Variants in FOLR2 observed in about 807,000 individuals in gnomAD.
The protein encoded by FOLR2 is folate receptor beta, also known as folate receptor 2 (fetal).
In FOLR2, 14 loss-of-function variants were observed where a neutral mutation model predicts 20.4. The observed-to-expected ratio is 0.68, with a 90% CI of 0.45 to 1.07. The LOEUF (loss-of-function observed/expected upper bound fraction) is 1.07. FOLR2 is among the 50% of genes least tolerant of loss of function. The probability of loss-of-function intolerance (pLI) is 0.00; values close to 1 mark genes in which losing one functional copy is unlikely to be tolerated. For synonymous variants in FOLR2, 114 were observed against 114.3 expected (o/e 1.00, Z 0.02); for missense variants, 269 against 322.6 (o/e 0.83, Z 1.27).
At chr11:72,219,895 T>C (rs1948454966) in intron 2 of FOLR2, among the ~76,000 whole-genome samples, 2 of 151,762 alleles carry the variant, frequency 1.3e-5, no homozygotes, top group South Asian at 4.2e-4. Context: ...TTGCCCAGGC[T>C]GGAGTGCAAT....
intron 2 of FOLR2, among the ~76,000 whole-genome samples, 185 bp from the exon 3 acceptor site, chr11:72,220,685 T>C (rs1266649405): frequency 1.3e-5 from 2 of 152,184 alleles, no homozygotes; most frequent in African/African-American, 4.8e-5. Context: ...ACGGTTGTAA[T>C]TGTGTTTCCT....
At chr11:72,218,108 C>T (rs1053058087) in intron 1 of FOLR2, among the ~76,000 whole-genome samples, 15 of 152,202 alleles carry the variant, frequency 9.9e-5, no homozygotes, top group African/African-American at 3.6e-4. Context: ...TGGGTCACTG[C>T]CTTCCCCAAG....
In FOLR2 at chr11:72,221,458, C is replaced by T; in HGVS notation, c.476-12C>T. 6.2e-7 allele frequency: 1 copy of T among 1,611,528 alleles called. No homozygotes were observed. Among genetic ancestry groups the T allele is most frequent in the South Asian group, 1.1e-5 (1 of 90,920 alleles). ...GGCTGAAAGTCTGTGTCCACCATGC[C>T]TCTCCCTGCAGGAGTTAACAAGTGC... On this transcript the variant is annotated splice_polypyrimidine_tract_variant and intron_variant, in intron 4 of 4. Coordinates refer to ENST00000298223, the MANE Select transcript of FOLR2 (RefSeq NM_000803.5).
Position 72,218,647 on chromosome 11 carries a change from C to T in FOLR2, c.63C>T (p.Ala21=). Reference sequence around the variant, plus strand: ...TCTGTGTAGCCACCATGTGCAGTGCCCAGGACAGGACTGATCTCCTCAATG... The same window carrying T: ...TCTGTGTAGCCACCATGTGCAGTGCTCAGGACAGGACTGATCTCCTCAATG... ...LLVCVATMCS[A]QDRTDLLNVC... Residue 21 remains alanine, a synonymous_variant, in exon 2 of 5, where the codon GCC becomes GCT. Transcript: ENST00000298223. 1.2e-6 allele frequency: 2 copies of T among 1,613,216 alleles called. No individual in the cohort carries two copies. Among genetic ancestry groups the T allele is most frequent in the Non-Finnish European group, 1.7e-6 (2 of 1,179,520 alleles).
At position 72,221,067 on chromosome 11, in the gene FOLR2, T is replaced by TCGGGGGGGGGGCCGCCCCCCCCCCC; in HGVS notation, c.339+10_339+11insGGGGGGGGGGCCGCCCCCCCCCCCC. ...GGCCCTGGATCCAGCAGGTAGGGTG[T>TCGGGGGGGGGGCCGCCCCCCCCCCC]CTCCCCCCCACCCACCCCAGCAGAC... On this transcript the variant is annotated intron_variant, in intron 3 of 4. Coordinates refer to ENST00000298223, the MANE Select transcript of FOLR2 (RefSeq NM_000803.5). 6.4e-7 allele frequency: 1 copy of TCGGGGGGGGGGCCGCCCCCCCCCCC among 1,570,114 alleles called. No homozygotes were observed. Among genetic ancestry groups the TCGGGGGGGGGGCCGCCCCCCCCCCC allele is most frequent in the Non-Finnish European group, 8.7e-7 (1 of 1,154,910 alleles).
Position 72,218,737 on chromosome 11 carries a change from A to G in FOLR2, c.150+3A>G. The G allele has an allele frequency of 6.2e-7, 1 of 1,609,150 alleles. No homozygotes were observed. Among genetic ancestry groups the G allele is most frequent in the Non-Finnish European group, 8.5e-7 (1 of 1,177,526 alleles). ...CTGAGGACAAGCTGCATGACCAAGT[A>G]CGGCTGGAGTGTGCCTCTGCTAAGG... On this transcript the variant is annotated splice_donor_region_variant and intron_variant, in intron 2 of 4. Coordinates refer to ENST00000298223, the MANE Select transcript of FOLR2 (RefSeq NM_000803.5).
intron 2 of FOLR2, among the ~76,000 whole-genome samples, chr11:72,218,976 A>G (rs1417375520): frequency 6.6e-6 from 1 of 152,202 alleles, no homozygotes; most frequent in African/African-American, 2.4e-5. Flanking sequence ...GTCAGTTGTC[A>G]TGTGTTTTTT....
intron 1 of FOLR2, 40 bp downstream of exon 1, chr11:72,216,965 G>A: frequency 6.3e-7 from 1 of 1,594,516 alleles, no homozygotes; most frequent in Non-Finnish European, 8.5e-7. Context: ...AAGGGCAGTG[G>A]GGAGACTTGG....
At chr11:72,218,204 T>C (rs185447303) in intron 1 of FOLR2, among the ~76,000 whole-genome samples, 1 of 152,242 alleles carries the variant, frequency 6.6e-6, no homozygotes, top group East Asian at 1.9e-4. Flanking sequence ...GGTGAAGACA[T>C]TATGTGTCCC....
intron 2 of FOLR2, among the ~76,000 whole-genome samples, chr11:72,219,653 A>G (rs1948450638): frequency 6.6e-6 from 1 of 152,160 alleles, no homozygotes; most frequent in Non-Finnish European, 1.5e-5. Flanking sequence ...AGATACTATA[A>G]TATAAGCAAT....
At chr11:72,217,501 C>G in intron 1 of FOLR2, 1 of 770,878 alleles carries the variant, frequency 1.3e-6, no homozygotes, top group African/African-American at 1.8e-5. Context: ...AGTGACAGAG[C>G]CCAAAGGAAC....
intron 3 of FOLR2, 57 bp from the exon 4 acceptor site, chr11:72,221,119 C>T: frequency 1.6e-5 from 25 of 1,521,438 alleles, no homozygotes; most frequent in South Asian, 2.3e-5. Flanking sequence ...CACTTCAAGG[C>T]GATGGCTGCC....
chr11:72,220,180 G>A (rs1427054741), intron 2 of FOLR2, among the ~76,000 whole-genome samples: 1 of 152,086 alleles, frequency 6.6e-6, no homozygotes, highest in Non-Finnish European at 1.5e-5. Flanking sequence ...TATTTTCATG[G>A]GCCTACTATG....
chr11:72,221,684 T>C lies in FOLR2; in HGVS notation c.690T>C (p.Asn230=). The change falls in exon 5 of 5, where the codon AAT becomes AAC. Residue 230 remains asparagine (N), a synonymous_variant. Transcript: ENST00000298223. ...ARFYAAAMHV[N]AGEMLHGTGG... is the part of the protein sequence containing the mutation. ...TCTATGCTGCAGCCATGCATGTGAATGCTGGTGAGATGCTTCATGGGACTG... is the reference window on the plus strand; with the variant it reads ...TCTATGCTGCAGCCATGCATGTGAACGCTGGTGAGATGCTTCATGGGACTG... 2 of 1,614,132 alleles carry C rather than the reference T, an allele frequency of 1.2e-6. No individual in the cohort carries two copies. Among genetic ancestry groups the C allele is most frequent in the Non-Finnish European group, 1.7e-6 (2 of 1,179,984 alleles).
chr11:72,220,967 G>A lies in FOLR2; in HGVS notation c.248G>A (p.Cys83Tyr). 3.1e-6 allele frequency: 5 copies of A among 1,613,980 alleles called. No individual in the cohort carries two copies. The highest frequency in any genetic ancestry group is 4.2e-6 in the Non-Finnish European group (5 of 1,179,902). Residue 83 changes from cysteine to tyrosine, a missense_variant, in exon 3 of 5, where the codon TGC (cysteine) becomes TAC (tyrosine). Cys to Tyr is a radical substitution (Grantham distance 194). Transcript: ENST00000298223. Reference sequence around the variant, plus strand: ...CTGTACAACTTTAACTGGGACCACTGCGGCAAGATGGAGCCCGCCTGCAAG... The same window carrying A: ...CTGTACAACTTTAACTGGGACCACTACGGCAAGATGGAGCCCGCCTGCAAG... The part of the protein sequence containing the change: ...SRLYNFNWDH[C>Y]GKMEPACKRH...
At chr11:72,217,037 T>TTGTA (rs1948401526) in intron 1 of FOLR2, 112 bp downstream of exon 1, 21 of 1,246,772 alleles carry the variant, frequency 1.7e-5, no homozygotes, top group Non-Finnish European at 2.2e-5. Context: ...TTGTATTGTA[T>TTGTA]TTTTTGAGAC....
In FOLR2 at chr11:72,220,900, A is replaced by G. The variant is rs1358161280; in HGVS notation, c.181A>G (p.Thr61Ala). ...CSPWKKNACC[T>A]ASTSQELHKD... ...TCCCTGGAAGAAGAATGCCTGCTGC[A>G]CAGCCAGCACCAGCCAGGAGCTGCA... The change falls in exon 3 of 5, where the codon ACA becomes GCA. Residue 61 changes from threonine (T) to alanine (A), a missense_variant. Transcript: ENST00000298223. 1 of 1,613,996 alleles carries G rather than the reference A, an allele frequency of 6.2e-7. No homozygotes were observed. The highest frequency in any genetic ancestry group is 1.7e-5 in the Admixed American group (1 of 60,026).
Position 72,220,894 on chromosome 11 carries a change from TGCTGCACAGCCAGCACCAGCCAGGA to T in FOLR2, c.184_208del (p.Ala62ArgfsTer45). 1 of 1,613,978 alleles carries T rather than the reference TGCTGCACAGCCAGCACCAGCCAGGA, an allele frequency of 6.2e-7. No individual in the cohort carries two copies. The highest frequency in any genetic ancestry group is 1.1e-5 in the South Asian group (1 of 91,088). On this transcript the variant is annotated frameshift_variant, in exon 3 of 5. Coordinates refer to ENST00000298223, the MANE Select transcript of FOLR2 (RefSeq NM_000803.5). LOFTEE classifies it high-confidence loss of function. ...GTGCAGTCCCTGGAAGAAGAATGCCTGCTGCACAGCCAGCACCAGCCAGGAGCTGCACAAGGACACCTCCCGCCTG... is the reference window on the plus strand; with the variant it reads ...GTGCAGTCCCTGGAAGAAGAATGCCTGCTGCACAAGGACACCTCCCGCCTG...
chr11:72,218,327 C>T (rs746274088), intron 1 of FOLR2, among the ~76,000 whole-genome samples: 4 of 152,180 alleles, frequency 2.6e-5, no homozygotes, highest in Non-Finnish European at 4.4e-5. Context: ...TGGGAAGACT[C>T]CCCCAGGGCT....
Sources: gnomAD v4.1 joint callset for allele counts (sites outside exome capture counted in the v4.1 genomes callset) on GRCh38, gnomAD v4.1.1 for gene constraint, MANE v1.5 for transcripts, NCBI Gene and HGNC (gene_info 2026-07-23, HGNC 2026-07-21) for gene names.